Variants in SEMA3C observed in about 807,000 individuals in gnomAD.
SEMA3C encodes semaphorin 3C.
Under a neutral mutation model 89.4 loss-of-function variants are expected in SEMA3C, and 47 were observed. The observed-to-expected ratio is 0.53, with a 90% CI of 0.42 to 0.67. The LOEUF (loss-of-function observed/expected upper bound fraction) is 0.67. Ranked by LOEUF, SEMA3C falls within the 30% of genes least tolerant of loss-of-function variation. The pLI, the probability that SEMA3C is intolerant of heterozygous loss-of-function variation, is 0.00. For missense variants in SEMA3C, 839 were observed against 929.1 expected (o/e 0.90, Z 1.26); for synonymous variants, 310 against 320.2 (o/e 0.97, Z 0.34).
chr7:80,790,443 T>C (rs1415315000), intron 11 of SEMA3C, among the ~76,000 whole-genome samples: 1 of 152,154 alleles, frequency 6.6e-6, no homozygotes, highest in Non-Finnish European at 1.5e-5. Context: ...CTATCAAAGA[T>C]CCCATTCATT....
chr7:80,798,349 T>C, intron 10 of SEMA3C, 113 bp from the exon 11 acceptor site: 1 of 963,200 alleles, frequency 1.0e-6, no homozygotes, highest in Non-Finnish European at 1.4e-6. Context: ...CATAGAAAAG[T>C]TAAATGTTAT....
chr7:80,894,092 T>C (rs562788547), intron 2 of SEMA3C, among the ~76,000 whole-genome samples: 30 of 152,312 alleles, frequency 2.0e-4, no homozygotes, highest in Non-Finnish European at 2.8e-4. Context: ...AAATATCCAA[T>C]TTATCATACA....
At chr7:80,873,349 T>G (rs1791117326) in intron 2 of SEMA3C, among the ~76,000 whole-genome samples, 1 of 152,188 alleles carries the variant, frequency 6.6e-6, no homozygotes, top group South Asian at 2.1e-4. Context: ...TTGCAGATGT[T>G]TCGAGTTTGT....
chr7:80,890,649 A>C (rs1791589929), intron 2 of SEMA3C, among the ~76,000 whole-genome samples: 1 of 152,172 alleles, frequency 6.6e-6, no homozygotes, highest in Admixed American at 6.5e-5. Flanking sequence ...TAAACTACAA[A>C]GTTCATGGAG....
intron 2 of SEMA3C, among the ~76,000 whole-genome samples, chr7:80,875,613 C>T (rs1791182090): frequency 6.6e-6 from 1 of 152,082 alleles, no homozygotes; most frequent in African/African-American, 2.4e-5. Context: ...AATCCCCCTC[C>T]ATCCAACTCC....
chr7:80,749,235 A>G (rs1787869986), intron 16 of SEMA3C, among the ~76,000 whole-genome samples: 1 of 152,190 alleles, frequency 6.6e-6, no homozygotes, highest in Admixed American at 6.5e-5. Flanking sequence ...GGAAGGAAAG[A>G]CTGTGAATTA....
intron 4 of SEMA3C, among the ~76,000 whole-genome samples, chr7:80,818,876 T>C (rs1321889042): frequency 2.0e-5 from 3 of 152,144 alleles, no homozygotes; most frequent in Admixed American, 6.5e-5. Context: ...ACAAATCAAA[T>C]ATTAAGAAAA....
rs76090017 is a variant in SEMA3C, at chr7:80,754,248, GT to G, written c.1644-2913del. Among the ~76,000 whole-genome samples the G allele has an allele frequency of 0.018, 2,720 of 152,020 alleles. 183 individuals carry two copies. In the East Asian group the frequency reaches 0.23, roughly 13 times the overall value. ...CACTGCGCCCGGCATGTTTACTATA[GT>G]TTTTTTTAAAAACGGAGACTATTGA... On this transcript the variant is annotated intron_variant, in intron 15 of 17. Coordinates refer to ENST00000265361, the MANE Select transcript of SEMA3C (RefSeq NM_006379.5).
chr7:80,822,938 T>G (rs1047371552), intron 4 of SEMA3C, among the ~76,000 whole-genome samples: 4 of 152,188 alleles, frequency 2.6e-5, no homozygotes, highest in Non-Finnish European at 2.9e-5. Context: ...ACAAAAAGTT[T>G]GGAGTATGAA....
chr7:80,750,310 C>T (rs1052804161), intron 16 of SEMA3C, among the ~76,000 whole-genome samples: 8 of 151,276 alleles, frequency 5.3e-5, no homozygotes, highest in South Asian at 2.1e-4. Context: ...GGATTGTCAA[C>T]AGGCACTATA....
At chr7:80,871,324 C>G (rs1791053081) in intron 2 of SEMA3C, among the ~76,000 whole-genome samples, 1 of 152,142 alleles carries the variant, frequency 6.6e-6, no homozygotes, top group South Asian at 2.1e-4. Flanking sequence ...CTGTTACTTC[C>G]TTGCCTAGAG....
At chr7:80,778,328 G>A (rs1264962082) in intron 12 of SEMA3C, among the ~76,000 whole-genome samples, 1 of 152,072 alleles carries the variant, frequency 6.6e-6, no homozygotes, top group African/African-American at 2.4e-5. Flanking sequence ...GGTTTATTAT[G>A]TAAGTTTTTA....
At chr7:80,825,836 A>G (rs1317967452) in intron 4 of SEMA3C, among the ~76,000 whole-genome samples, 1 of 152,206 alleles carries the variant, frequency 6.6e-6, no homozygotes, top group African/African-American at 2.4e-5. Context: ...AATTATTAAA[A>G]TAATAAGGAA....
At chr7:80,843,323 T>C (rs964735577) in intron 2 of SEMA3C, among the ~76,000 whole-genome samples, 16 of 152,098 alleles carry the variant, frequency 1.1e-4, no homozygotes, top group African/African-American at 3.9e-4. Flanking sequence ...CTCTATGTAT[T>C]ATCTATCAAT....
intron 12 of SEMA3C, among the ~76,000 whole-genome samples, chr7:80,779,674 C>T (rs1362040673): frequency 1.3e-5 from 2 of 152,176 alleles, no homozygotes; most frequent in African/African-American, 4.8e-5. Flanking sequence ...CTGACACACT[C>T]TTAGGTGACC....
intron 2 of SEMA3C, among the ~76,000 whole-genome samples, chr7:80,859,980 A>G (rs1790732579): frequency 6.6e-6 from 1 of 152,136 alleles, no homozygotes; most frequent in Non-Finnish European, 1.5e-5. Context: ...AACTCATTTA[A>G]ACTTGGGAAA....
chr7:80,808,764 T>G (rs1373857105), intron 6 of SEMA3C, among the ~76,000 whole-genome samples: 1 of 152,072 alleles, frequency 6.6e-6, no homozygotes, highest in African/African-American at 2.4e-5. Flanking sequence ...ATCCAACATT[T>G]GTTACTTGGT....
intron 2 of SEMA3C, among the ~76,000 whole-genome samples, chr7:80,835,587 T>C (rs2115849945): frequency 6.6e-6 from 1 of 152,110 alleles, no homozygotes; most frequent in South Asian, 2.1e-4. Flanking sequence ...CACCTGTCTG[T>C]TTAGAAAAAA....
At chr7:80,848,070 C>A (rs1790431427) in intron 2 of SEMA3C, among the ~76,000 whole-genome samples, 1 of 152,152 alleles carries the variant, frequency 6.6e-6, no homozygotes, top group Non-Finnish European at 1.5e-5. Flanking sequence ...GCAACTAATT[C>A]TAGTGTCTCA....
Sources: allele counts gnomAD v4.1 joint callset (sites outside exome capture counted in the v4.1 genomes callset), GRCh38; gene constraint gnomAD v4.1.1; transcripts MANE v1.5; gene names NCBI Gene and HGNC (gene_info 2026-07-23, HGNC 2026-07-21).